The following ZCCHC7 variants were observed in gnomAD, a reference collection of about 807,000 sequenced individuals.
The protein encoded by ZCCHC7 is zinc finger CCHC-type containing 7.
In ZCCHC7, 35 loss-of-function variants were observed where a neutral mutation model predicts 52.0. The ratio of observed to expected loss-of-function variants is 0.67; its 90% CI spans 0.51 to 0.89. The LOEUF is 0.89. ZCCHC7 is among the 40% of genes least tolerant of loss of function. The pLI is 0.00. For synonymous variants in ZCCHC7, 217 were observed against 221.5 expected (o/e 0.98, Z 0.18); for missense variants, 574 against 649.1 (o/e 0.88, Z 1.26).
Position 37,254,837 on chromosome 9 carries a change from CTTTT to C in ZCCHC7, c.611-47338_611-47335del, listed in dbSNP as rs59489076. Among the ~76,000 whole-genome samples the C allele has an allele frequency of 1.5e-4, 14 of 93,472 alleles. No individual in the cohort carries two copies. The South Asian group carries it at 2.8e-3, about 19-fold the overall frequency. 61.3% of individuals were successfully genotyped at this position (93,472 alleles called of 152,430 possible). A position where few individuals can be genotyped will look rare whatever the true frequency, so the allele number is the denominator to read the frequency against. Reference sequence around the variant, plus strand: ...TGCCATGTTAATGCTCAAAAAGTTTCTTTTTTTTTTTTTTTTGGATTTTTGAATT... The same window carrying C: ...TGCCATGTTAATGCTCAAAAAGTTTCTTTTTTTTTTTTGGATTTTTGAATT... On this transcript the variant is annotated intron_variant, in intron 2 of 8. Transcript: ENST00000336755.
chr9:37,199,427 G>A (rs1823476133), intron 2 of ZCCHC7, among the ~76,000 whole-genome samples: 1 of 150,838 alleles, frequency 6.6e-6, no homozygotes. Flanking sequence ...CACCTCCTGG[G>A]TTCAAGCGAT....
intron 2 of ZCCHC7, among the ~76,000 whole-genome samples, chr9:37,185,815 T>G (rs1195434925): frequency 2.0e-5 from 3 of 152,236 alleles, no homozygotes; most frequent in Non-Finnish European, 4.4e-5. Context: ...GGACCCTGTT[T>G]CCAAATAAGG....
chr9:37,157,643 C>G (rs1442223314), intron 2 of ZCCHC7, among the ~76,000 whole-genome samples: 3 of 152,126 alleles, frequency 2.0e-5, no homozygotes, highest in Admixed American at 6.5e-5. Flanking sequence ...TGGACCTGAA[C>G]AGGCATTTTT....
chr9:37,166,034 T>G (rs1821398254), intron 2 of ZCCHC7, among the ~76,000 whole-genome samples: 2 of 152,232 alleles, frequency 1.3e-5, no homozygotes, highest in African/African-American at 4.8e-5. Context: ...TTTGGAGGAC[T>G]TAAGAAAAAT....
In ZCCHC7 at chr9:37,354,725, G is replaced by A; in HGVS notation, c.1099G>A (p.Glu367Lys). 1.2e-6 allele frequency: 2 copies of A among 1,610,804 alleles called. No homozygotes were observed. The highest frequency in any genetic ancestry group is 1.7e-6 in the Non-Finnish European group (2 of 1,177,344). The change falls in exon 8 of 9, where the codon GAA becomes AAA. Residue 367 changes from glutamate to lysine, a missense_variant. Transcript: ENST00000336755. The surrounding 1 kb of genome is among the most constrained non-coding windows in gnomAD (Gnocchi z 4.0). ...CAATTTATAGGAATGTCCAGAAAGA[G>A]AAGTGTATGACCCGTCTCCAGTATC... ...GHYGHECPER[E>K]VYDPSPVSPF...
intron 2 of ZCCHC7, among the ~76,000 whole-genome samples, chr9:37,214,790 A>G (rs139079130): frequency 1.3e-5 from 2 of 152,208 alleles, no homozygotes; most frequent in East Asian, 3.9e-4. Flanking sequence ...TGGAAGAGAT[A>G]CTATTCTTCC....
intron 2 of ZCCHC7, among the ~76,000 whole-genome samples, chr9:37,136,500 C>T (rs572311042): frequency 2.3e-4 from 35 of 152,204 alleles, no homozygotes; most frequent in African/African-American, 8.4e-4. Context: ...TGCTCTCACC[C>T]AGGCAGGAGT....
chr9:37,246,818 G>T (rs145042613), intron 2 of ZCCHC7, among the ~76,000 whole-genome samples: 1 of 152,210 alleles, frequency 6.6e-6, no homozygotes, highest in South Asian at 2.1e-4. Flanking sequence ...GATTTTGGTA[G>T]CTGAGGCATC....
intron 4 of ZCCHC7, 89 bp downstream of exon 4, chr9:37,304,402 C>G: frequency 6.7e-7 from 1 of 1,485,678 alleles, no homozygotes; most frequent in Non-Finnish European, 9.1e-7. Flanking sequence ...GCCTGTAATC[C>G]CAGCACTTTG....
rs186908502 is a variant in ZCCHC7 at position 37,308,746 on chromosome 9, C to T, written c.951+3032C>T. On this transcript the variant is annotated intron_variant, in intron 5 of 8. Coordinates refer to ENST00000336755, the MANE Select transcript of ZCCHC7 (RefSeq NM_032226.3). Reference sequence around the variant, plus strand: ...TTGTAATCCTAGCACTTTGGGAGGCCGAGGCAGGTGGATCACGAGGTCAAG... The same window carrying T: ...TTGTAATCCTAGCACTTTGGGAGGCTGAGGCAGGTGGATCACGAGGTCAAG... Among the ~76,000 whole-genome samples, 221 of 151,958 alleles carry T rather than the reference C, an allele frequency of 1.5e-3. 1 individual carries two copies. Among genetic ancestry groups the T allele is most frequent in the African/African-American group, 5.2e-3 (214 of 41,434 alleles).
Position 37,126,471 on chromosome 9 carries a change from G to A in ZCCHC7, c.139G>A (p.Asp47Asn). ...SQIHYAQDLD[D>N]VIREEEHEEK... ...AATTCATTATGCCCAAGATCTTGAT[G>A]ATGTCATCAGGGAGGAAGAGCATGA... Residue 47 changes from aspartate to asparagine, a missense_variant, in exon 2 of 9, where the codon GAT becomes AAT. By Grantham distance (23) the Asp-to-Asn change is conservative. Around this residue, in one of 3 missense-constraint regions of ZCCHC7, gnomAD observed 403 missense variants for 461.2 expected, o/e 0.87. Coordinates refer to ENST00000336755, the MANE Select transcript of ZCCHC7 (RefSeq NM_032226.3). The A allele has an allele frequency of 6.2e-7, 1 of 1,613,724 alleles. No homozygotes were observed. Among genetic ancestry groups the A allele is most frequent in the East Asian group, 2.2e-5 (1 of 44,870 alleles).
At chr9:37,209,466 T>C (rs1279597856) in intron 2 of ZCCHC7, among the ~76,000 whole-genome samples, 1 of 152,148 alleles carries the variant, frequency 6.6e-6, no homozygotes, top group Non-Finnish European at 1.5e-5. Flanking sequence ...TCAATCTTGC[T>C]CAAATATCAT....
chr9:37,356,760 GTTA>G, intron 8 of ZCCHC7, 72 bp from the exon 9 acceptor site: 2 of 1,359,274 alleles, frequency 1.5e-6, no homozygotes, highest in Non-Finnish European at 2.0e-6. Context: ...TGTCTGTTAA[GTTA>G]TTTACACTTA....
At chr9:37,231,458 T>C (rs1482990156) in intron 2 of ZCCHC7, among the ~76,000 whole-genome samples, 1 of 152,200 alleles carries the variant, frequency 6.6e-6, no homozygotes, top group African/African-American at 2.4e-5. Context: ...CGAGATCTGA[T>C]ATACTTTGTG....
At chr9:37,246,579 A>G (rs1384641893) in intron 2 of ZCCHC7, among the ~76,000 whole-genome samples, 1 of 152,338 alleles carries the variant, frequency 6.6e-6, no homozygotes, top group East Asian at 1.9e-4. Context: ...ACTCTGGGCC[A>G]GTGTGGACCA....
chr9:37,229,655 T>C (rs1825303198), intron 2 of ZCCHC7, among the ~76,000 whole-genome samples: 1 of 152,250 alleles, frequency 6.6e-6, no homozygotes, highest in African/African-American at 2.4e-5. Context: ...GAAGTTGCTC[T>C]GGTCAGGCAG....
At chr9:37,208,872 A>G (rs1824059492) in intron 2 of ZCCHC7, among the ~76,000 whole-genome samples, 1 of 152,218 alleles carries the variant, frequency 6.6e-6, no homozygotes, top group Non-Finnish European at 1.5e-5. Flanking sequence ...TTTCATGGCA[A>G]AAAAGGCTAT....
chr9:37,166,841 G>T (rs977502005), intron 2 of ZCCHC7, among the ~76,000 whole-genome samples: 1 of 152,100 alleles, frequency 6.6e-6, no homozygotes, highest in African/African-American at 2.4e-5. Flanking sequence ...ATTTCTGTAC[G>T]TAATTTGGGA....
At chr9:37,175,140 A>G (rs566342309) in intron 2 of ZCCHC7, among the ~76,000 whole-genome samples, 1 of 152,004 alleles carries the variant, frequency 6.6e-6, no homozygotes, top group South Asian at 2.1e-4. Flanking sequence ...GGAATATTTG[A>G]TCCTGTGGTT....
Sources: allele counts gnomAD v4.1 joint callset (sites outside exome capture counted in the v4.1 genomes callset), GRCh38; gene constraint gnomAD v4.1.1; regional missense constraint gnomAD v4.1.1; non-coding constraint Gnocchi (gnomAD v3.1); transcripts MANE v1.5; gene names NCBI Gene and HGNC (gene_info 2026-07-23, HGNC 2026-07-21).